The following XIRP2 variants were observed in gnomAD, a reference collection of about 807,000 sequenced individuals.
XIRP2 encodes xin actin-binding repeat-containing protein 2.
In XIRP2, 236 loss-of-function variants were observed where a neutral mutation model predicts 277.0. The observed-to-expected ratio is 0.85, with a 90% confidence interval of 0.77 to 0.95. The LOEUF is 0.95. XIRP2 is among the 40% of genes least tolerant of loss of function. The pLI is 0.00. For missense variants in XIRP2, 4,640 were observed against 4,157.5 expected (o/e 1.12, Z -3.19); for synonymous variants, 1,490 against 1,416.5 (o/e 1.05, Z -1.17).
At chr2:167,098,043 G>A (rs556458985) in intron 2 of XIRP2, among the ~76,000 whole-genome samples, 4 of 152,094 alleles carry the variant, frequency 2.6e-5, no homozygotes, top group African/African-American at 7.2e-5. Flanking sequence ...TGCTCTTCTC[G>A]AGGAGTATCT....
intron 2 of XIRP2, among the ~76,000 whole-genome samples, chr2:167,125,190 T>C (rs780324368): frequency 1.3e-5 from 2 of 152,196 alleles, no homozygotes; most frequent in African/African-American, 2.4e-5. Context: ...TTCTTGCTGC[T>C]GTTCCTGGAT....
intron 3 of XIRP2, among the ~76,000 whole-genome samples, chr2:167,170,353 T>C (rs1486898851): frequency 6.6e-6 from 1 of 152,108 alleles, no homozygotes; most frequent in South Asian, 2.1e-4. Flanking sequence ...CCTCTATTTT[T>C]CTGAAAAAAA....
At chr2:167,213,244 T>C (rs1457961511) in intron 4 of XIRP2, among the ~76,000 whole-genome samples, 1 of 152,142 alleles carries the variant, frequency 6.6e-6, no homozygotes, top group Non-Finnish European at 1.5e-5. Context: ...GTCTGTGCAA[T>C]TTTATTCCCT....
intron 3 of XIRP2, among the ~76,000 whole-genome samples, chr2:167,200,999 G>T (rs905260477): frequency 4.0e-5 from 6 of 151,760 alleles, no homozygotes; most frequent in Non-Finnish European, 5.9e-5. Flanking sequence ...GGTGGCGGGT[G>T]CCTGTAATCC....
At chr2:166,898,525 T>C (rs1190815911) in intron 1 of XIRP2, among the ~76,000 whole-genome samples, 2 of 152,268 alleles carry the variant, frequency 1.3e-5, no homozygotes, top group East Asian at 3.9e-4. Context: ...TATAGATTCA[T>C]TGGACATAGC....
At chr2:167,241,215 G>C (rs1035558540) in intron 7 of XIRP2, among the ~76,000 whole-genome samples, 2 of 150,902 alleles carry the variant, frequency 1.3e-5, no homozygotes, top group African/African-American at 4.9e-5. Flanking sequence ...AATGGAATGG[G>C]TTTTGCTACC....
chr2:167,106,388 T>C (rs1437241748), intron 2 of XIRP2, among the ~76,000 whole-genome samples: 1 of 151,804 alleles, frequency 6.6e-6, no homozygotes, highest in Non-Finnish European at 1.5e-5. Flanking sequence ...CCTATTGATA[T>C]CCAGTTGTTC....
chr2:166,942,034 T>C (rs988869415), intron 2 of XIRP2, among the ~76,000 whole-genome samples: 1 of 152,340 alleles, frequency 6.6e-6, no homozygotes, highest in African/African-American at 2.4e-5. Context: ...TTTTCCAGAA[T>C]AATATATTCA....
chr2:167,073,014 C>T (rs867039854), intron 2 of XIRP2, among the ~76,000 whole-genome samples: 1 of 151,998 alleles, frequency 6.6e-6, no homozygotes, highest in Non-Finnish European at 1.5e-5. Context: ...TATGATACAA[C>T]CATGATAGGT....
intron 2 of XIRP2, among the ~76,000 whole-genome samples, chr2:166,987,441 T>C (rs527519340): frequency 6.6e-6 from 1 of 152,268 alleles, no homozygotes; most frequent in Admixed American, 6.5e-5. Flanking sequence ...AAGTCTTGGA[T>C]TGCCAAACTC....
chr2:166,962,303 ACT>A (rs1686319295), intron 2 of XIRP2, among the ~76,000 whole-genome samples: 1 of 151,632 alleles, frequency 6.6e-6, no homozygotes, highest in Non-Finnish European at 1.5e-5. Flanking sequence ...AGAGATAAAA[ACT>A]CCATCTAAGT....
At chr2:167,143,055 C>A (rs1249021017) in intron 3 of XIRP2, among the ~76,000 whole-genome samples, 1 of 152,128 alleles carries the variant, frequency 6.6e-6, no homozygotes, top group African/African-American at 2.4e-5. Flanking sequence ...TGAGAAGTAG[C>A]TAGAATTCAG....
chr2:167,201,273 A>AAGGAAGGAAGGAAAGAAGGAAGGAAGG (rs1559018492), intron 3 of XIRP2, among the ~76,000 whole-genome samples: 2 of 100,800 alleles, frequency 2.0e-5, no homozygotes, highest in African/African-American at 1.5e-4. Flanking sequence ...AGAGAGGGAG[A>AAGGAAGGAAGGAAAGAAGGAAGGAAGG]AAGGAAAGAA....
At chr2:167,022,156 G>A (rs932701315) in intron 2 of XIRP2, among the ~76,000 whole-genome samples, 12 of 151,986 alleles carry the variant, frequency 7.9e-5, no homozygotes, top group Non-Finnish European at 1.3e-4. Context: ...CCTAAAACAC[G>A]TTAAGGAAGA....
intron 2 of XIRP2, among the ~76,000 whole-genome samples, chr2:166,916,550 G>A (rs557087958): frequency 6.6e-6 from 1 of 152,196 alleles, no homozygotes; most frequent in East Asian, 1.9e-4. Context: ...CTTAATATTA[G>A]TATAGAGAAA....
intron 2 of XIRP2, among the ~76,000 whole-genome samples, chr2:166,983,901 G>T (rs1037536395): frequency 1.3e-5 from 2 of 152,182 alleles, no homozygotes; most frequent in East Asian, 1.9e-4. Context: ...ATGAACAAAT[G>T]AGGAAGTCCC....
At chr2:166,921,543 A>G (rs1172968179) in intron 2 of XIRP2, among the ~76,000 whole-genome samples, 1 of 152,122 alleles carries the variant, frequency 6.6e-6, no homozygotes, top group African/African-American at 2.4e-5. Flanking sequence ...AAGTGTCTGG[A>G]TGATAAATTA....
chr2:166,899,855 G>T (rs1684335205), intron 1 of XIRP2, among the ~76,000 whole-genome samples: 1 of 152,036 alleles, frequency 6.6e-6, no homozygotes, highest in African/African-American at 2.4e-5. Flanking sequence ...GGTGAATTTT[G>T]CAGCACAGTG....
chr2:166,909,133 G>GT (rs1684625333), intron 2 of XIRP2, among the ~76,000 whole-genome samples: 1 of 152,164 alleles, frequency 6.6e-6, no homozygotes, highest in African/African-American at 2.4e-5. Flanking sequence ...GTTTAAAGTA[G>GT]TTTTTTCCAA....
Sources: allele counts gnomAD v4.1 joint callset (sites outside exome capture counted in the v4.1 genomes callset), GRCh38; gene constraint gnomAD v4.1.1; transcripts MANE v1.5; gene names NCBI Gene and HGNC (gene_info 2026-07-23, HGNC 2026-07-21).